The following DCDC2C variants were observed in gnomAD, a reference collection of about 807,000 sequenced individuals.
The protein encoded by DCDC2C is doublecortin domain-containing protein 2C.
In DCDC2C, 44 loss-of-function variants were observed where a neutral mutation model predicts 45.0. That is an observed-to-expected ratio of 0.98 (90% confidence interval 0.77 to 1.26). The LOEUF is 1.26. DCDC2C is among the 50% of genes most tolerant of loss of function. The pLI is 0.00. For synonymous variants in DCDC2C, 187 were observed against 178.8 expected, an observed-to-expected ratio of 1.05 and a Z score of -0.37; for missense variants, 447 against 468.9, an observed-to-expected ratio of 0.95 and a Z score of 0.43.
intron 4 of DCDC2C, among the ~76,000 whole-genome samples, chr2:3,742,816 G>T (rs1669255408): frequency 6.6e-6 from 1 of 152,196 alleles, no homozygotes; most frequent in Non-Finnish European, 1.5e-5. Context: ...TGTGAGGGAA[G>T]TGGCCAGCCC....
chr2:3,741,874 C>T (rs930136796), intron 3 of DCDC2C, 46 bp from the exon 4 acceptor site: 13 of 1,504,286 alleles, frequency 8.6e-6, no homozygotes, highest in Non-Finnish European at 1.2e-5. Context: ...ATGTTTCCCC[C>T]TCAAACTTAA....
At chr2:3,751,654 A>G (rs1458807912) in intron 4 of DCDC2C, among the ~76,000 whole-genome samples, 1 of 152,110 alleles carries the variant, frequency 6.6e-6, no homozygotes, top group Non-Finnish European at 1.5e-5. Context: ...CTGCGGAGGG[A>G]TAGGTTCTAT....
At chr2:3,766,150 C>T (rs1670006100) in intron 6 of DCDC2C, among the ~76,000 whole-genome samples, 1 of 152,072 alleles carries the variant, frequency 6.6e-6, no homozygotes. Flanking sequence ...GGCTGGGTCA[C>T]ACCGTGGGTG....
At chr2:3,726,974 A>G in intron 2 of DCDC2C, 29 bp from the exon 3 acceptor site, 5 of 1,545,446 alleles carry the variant, frequency 3.2e-6, no homozygotes, top group African/African-American at 1.4e-5. Flanking sequence ...TTTGAACTGA[A>G]TTCCCAGGTG....
intron 6 of DCDC2C, among the ~76,000 whole-genome samples, chr2:3,766,632 G>GCAATATAT (rs1333660128): frequency 6.6e-6 from 1 of 152,144 alleles, no homozygotes; most frequent in Non-Finnish European, 1.5e-5. Context: ...TTGAAAACCT[G>GCAATATAT]GCAGTTTGCA....
At chr2:3,790,449 A>G (rs1670774126) in intron 10 of DCDC2C, among the ~76,000 whole-genome samples, 1 of 152,194 alleles carries the variant, frequency 6.6e-6, no homozygotes, top group Non-Finnish European at 1.5e-5. Context: ...CAGATCCATA[A>G]CAATCATTTC....
At chr2:3,717,292 C>G (rs927912195) in intron 2 of DCDC2C, among the ~76,000 whole-genome samples, 3 of 152,192 alleles carry the variant, frequency 2.0e-5, no homozygotes, top group African/African-American at 7.2e-5. Context: ...AAAGACATCT[C>G]AAACTCAGCA....
At chr2:3,769,062 C>T in intron 7 of DCDC2C, 1 of 442,230 alleles carries the variant, frequency 2.3e-6, no homozygotes, top group Non-Finnish European at 4.2e-6. Flanking sequence ...CCAGGACCTT[C>T]ATGAAGACAG....
intron 7 of DCDC2C, 91 bp downstream of exon 7, chr2:3,767,971 TC>T: frequency 1.6e-6 from 2 of 1,276,096 alleles, no homozygotes; most frequent in Non-Finnish European, 2.1e-6. Context: ...AATCTTATAC[TC>T]CAGAAATATT....
At chr2:3,841,503 T>C (rs1251016239) in intron 10 of DCDC2C, among the ~76,000 whole-genome samples, 1 of 152,050 alleles carries the variant, frequency 6.6e-6, no homozygotes, top group Non-Finnish European at 1.5e-5. Flanking sequence ...TTTTTGGGAG[T>C]GCTTATGTGT....
intron 8 of DCDC2C, among the ~76,000 whole-genome samples, chr2:3,776,230 C>T (rs746816721): frequency 5.3e-5 from 8 of 152,160 alleles, no homozygotes; most frequent in Admixed American, 2.0e-4. Flanking sequence ...CATATGAGCA[C>T]GCTGAAATCA....
intron 3 of DCDC2C, among the ~76,000 whole-genome samples, chr2:3,740,580 A>T (rs1279989587): frequency 6.6e-5 from 10 of 152,250 alleles, no homozygotes; most frequent in Admixed American, 6.5e-4. Flanking sequence ...CTTGCAGCCT[A>T]AACCAATTAG....
intron 2 of DCDC2C, among the ~76,000 whole-genome samples, chr2:3,715,821 C>A (rs13019382): frequency 0.23 from 34,918 of 152,156 alleles, 4,420 homozygotes; most frequent in Non-Finnish European, 0.3. Context: ...AGGGAGCCTG[C>A]ATTTCAGGTG....
intron 8 of DCDC2C, among the ~76,000 whole-genome samples, chr2:3,771,120 G>A (rs562523562): frequency 1.5e-4 from 23 of 152,388 alleles, no homozygotes; most frequent in African/African-American, 5.3e-4. Context: ...CCCTGAGGGT[G>A]AGCTAGGTCA....
chr2:3,790,515 A>G (rs186705031), intron 10 of DCDC2C, among the ~76,000 whole-genome samples: 71 of 152,330 alleles, frequency 4.7e-4, no homozygotes, highest in Admixed American at 1.5e-3. Flanking sequence ...TAACATTGCC[A>G]GAAATGCCAA....
At chr2:3,759,301 ATGTCATAAAAATGGG>A (rs1322346589) in intron 6 of DCDC2C, among the ~76,000 whole-genome samples, 1 of 152,194 alleles carries the variant, frequency 6.6e-6, no homozygotes, top group Admixed American at 6.5e-5. Context: ...CAAGCATGCT[ATGTCATAAAAATGGG>A]TGTCTAAATG....
At chr2:3,812,000 T>G (rs1019968451) in intron 10 of DCDC2C, among the ~76,000 whole-genome samples, 2 of 152,078 alleles carry the variant, frequency 1.3e-5, no homozygotes, top group Non-Finnish European at 2.9e-5. Context: ...TATTGAGGAT[T>G]TTCGCATCGA....
At chr2:3,725,305 G>C (rs967089376) in intron 2 of DCDC2C, among the ~76,000 whole-genome samples, 1 of 152,178 alleles carries the variant, frequency 6.6e-6, no homozygotes, top group East Asian at 1.9e-4. Context: ...GTGGGGGCTC[G>C]AGCAGAGACC....
intron 10 of DCDC2C, among the ~76,000 whole-genome samples, chr2:3,806,171 T>G (rs1671238058): frequency 6.6e-6 from 1 of 152,206 alleles, no homozygotes; most frequent in African/African-American, 2.4e-5. Flanking sequence ...CCCTGATGAA[T>G]CGGTCATGAT....
Sources: gnomAD v4.1 joint callset for allele counts (sites outside exome capture counted in the v4.1 genomes callset) on GRCh38, gnomAD v4.1.1 for gene constraint, MANE v1.5 for transcripts, NCBI Gene and HGNC (gene_info 2026-07-23, HGNC 2026-07-21) for gene names.